Variants in SLC24A2 observed in about 807,000 individuals in gnomAD.
SLC24A2 encodes the protein solute carrier family 24 member 2, also known as sodium/potassium/calcium exchanger 2.
Under a neutral mutation model 62.0 loss-of-function variants are expected in SLC24A2, and 36 were observed. The observed-to-expected ratio is 0.58, with a 90% CI of 0.44 to 0.77. SLC24A2 has a LOEUF of 0.77. SLC24A2 is among the 30% of genes least tolerant of loss of function. SLC24A2 has a pLI of 0.00. For synonymous variants in SLC24A2, 358 were observed against 294.0 expected, an observed-to-expected ratio of 1.22 and a Z score of -2.23; for missense variants, 846 against 817.9, an observed-to-expected ratio of 1.03 and a Z score of -0.42.
the SLC24A2 span, among the ~76,000 whole-genome samples, chr9:20,198,584 T>G: frequency 6.6e-6 from 1 of 152,106 alleles, no homozygotes; most frequent in African/African-American, 2.4e-5. Context: ...GAGGAATTAT[T>G]TCATATACTC....
chr9:19,771,520 T>TG (rs1335592715), intron 2 of SLC24A2, among the ~76,000 whole-genome samples: 2 of 152,190 alleles, frequency 1.3e-5, no homozygotes, highest in Non-Finnish European at 1.5e-5. Context: ...AAGAGCAGCC[T>TG]GGCTGCTCAT....
chr9:19,815,959 C>CCT, the SLC24A2 span, among the ~76,000 whole-genome samples: 575 of 103,456 alleles, frequency 5.6e-3, 4 homozygotes, highest in African/African-American at 0.016. Flanking sequence ...TTTTTTGCCC[C>CCT]TTTTTTTTTT....
At chr9:19,575,172 T>C (rs1835970294) in intron 6 of SLC24A2, among the ~76,000 whole-genome samples, 1 of 152,224 alleles carries the variant, frequency 6.6e-6, no homozygotes, top group African/African-American at 2.4e-5. Flanking sequence ...AACTCAAATT[T>C]ACTTTATCTT....
the SLC24A2 span, among the ~76,000 whole-genome samples, chr9:19,891,847 G>T: frequency 6.6e-6 from 1 of 152,304 alleles, no homozygotes; most frequent in South Asian, 2.1e-4. Flanking sequence ...ACTAAACCAT[G>T]CATGAGAGAT....
the SLC24A2 span, among the ~76,000 whole-genome samples, chr9:19,900,060 A>C: frequency 6.6e-6 from 1 of 152,328 alleles, no homozygotes; most frequent in East Asian, 1.9e-4. Context: ...CTAATCATGT[A>C]GTTCATAAAA....
intron 5 of SLC24A2, among the ~76,000 whole-genome samples, chr9:19,584,571 G>A (rs536809918): frequency 6.6e-6 from 1 of 152,020 alleles, no homozygotes; most frequent in Non-Finnish European, 1.5e-5. Flanking sequence ...TATCTTACTG[G>A]AACAGTTAAT....
At chr9:19,958,982 C>T in the SLC24A2 span, among the ~76,000 whole-genome samples, 2 of 152,226 alleles carry the variant, frequency 1.3e-5, no homozygotes, top group Middle Eastern at 6.8e-3. Context: ...TTTTGTGTAG[C>T]AAGTCCCCCA....
At chr9:20,018,158 A>G in the SLC24A2 span, among the ~76,000 whole-genome samples, 5 of 152,156 alleles carry the variant, frequency 3.3e-5, no homozygotes, top group Non-Finnish European at 7.4e-5. Context: ...CATGTTAGCC[A>G]GGATGATTTT....
chr9:20,159,789 A>C, the SLC24A2 span, among the ~76,000 whole-genome samples: 1 of 151,620 alleles, frequency 6.6e-6, no homozygotes, highest in Non-Finnish European at 1.5e-5. Flanking sequence ...CCACAAATGT[A>C]ACAAAAATAC....
intron 7 of SLC24A2, among the ~76,000 whole-genome samples, chr9:19,558,793 A>G (rs78081608): frequency 0.013 from 1,974 of 152,318 alleles, 23 homozygotes; most frequent in Non-Finnish European, 0.02. Context: ...TTATTGGAGC[A>G]TTGAAAATAC....
chr9:19,911,041 G>A, the SLC24A2 span, among the ~76,000 whole-genome samples: 1 of 150,718 alleles, frequency 6.6e-6, no homozygotes, highest in Non-Finnish European at 1.5e-5. Context: ...AGCATTAGGT[G>A]TATCTCTTAA....
chr9:19,696,367 A>C (rs1289130448), intron 2 of SLC24A2, among the ~76,000 whole-genome samples: 1 of 152,180 alleles, frequency 6.6e-6, no homozygotes, highest in Non-Finnish European at 1.5e-5. Context: ...GCTATCCTCC[A>C]GACTCAACAT....
At chr9:19,790,970 A>T (rs1240958467), upstream of SLC24A2, among the ~76,000 whole-genome samples, 1 of 152,212 alleles carries the variant, frequency 6.6e-6, no homozygotes, top group Non-Finnish European at 1.5e-5. Context: ...GAGGAATGAG[A>T]TCCAGATGAA....
At chr9:19,890,362 G>C in the SLC24A2 span, among the ~76,000 whole-genome samples, 1 of 152,184 alleles carries the variant, frequency 6.6e-6, no homozygotes, top group Non-Finnish European at 1.5e-5. Context: ...AGGACCACTG[G>C]AGGCTATTTT....
At chr9:20,213,803 T>G in the SLC24A2 span, among the ~76,000 whole-genome samples, 3 of 152,226 alleles carry the variant, frequency 2.0e-5, no homozygotes, top group East Asian at 5.8e-4. Flanking sequence ...GTAATAATAT[T>G]TGTAGTGCCT....
At chr9:19,983,345 T>TA in the SLC24A2 span, among the ~76,000 whole-genome samples, 23 of 151,750 alleles carry the variant, frequency 1.5e-4, no homozygotes, top group African/African-American at 3.4e-4. Context: ...AAATAACAAC[T>TA]AAAAAAAACT....
the SLC24A2 span, among the ~76,000 whole-genome samples, chr9:19,803,896 T>C: frequency 6.6e-6 from 1 of 152,200 alleles, no homozygotes; most frequent in Non-Finnish European, 1.5e-5. Context: ...ATAATTCATA[T>C]CCCATTAAAT....
chr9:19,653,317 A>G (rs1370037814), intron 2 of SLC24A2, among the ~76,000 whole-genome samples: 1 of 152,196 alleles, frequency 6.6e-6, no homozygotes, highest in Non-Finnish European at 1.5e-5. Flanking sequence ...ATCATTGACT[A>G]TGATCACAGT....
Position 19,753,999 on chromosome 9 carries a change from T to C in SLC24A2, c.930+31938A>G, listed in dbSNP as rs10964270. Among the ~76,000 whole-genome samples the C allele has an allele frequency of 0.03, 4,536 of 152,216 alleles. 523 individuals carry two copies. In the East Asian group the frequency reaches 0.42, roughly 14 times the overall value. ...GCAGCAAAGGTATGAAAATGACTGA[T>C]TACATATTTGAACATGGATACAAAA... On this transcript the variant is annotated intron_variant, in intron 2 of 10. Coordinates refer to ENST00000341998, the MANE Select transcript of SLC24A2 (RefSeq NM_020344.4).
Sources: allele counts gnomAD v4.1 joint callset (sites outside exome capture counted in the v4.1 genomes callset), GRCh38; gene constraint gnomAD v4.1.1; transcripts MANE v1.5; gene names NCBI Gene and HGNC (gene_info 2026-07-23, HGNC 2026-07-21).